Variants in UCN observed in about 807,000 individuals in gnomAD.
UCN encodes the protein urocortin, also known as prepro-urocortin.
In UCN, 5 loss-of-function variants were observed where a neutral mutation model predicts 6.5. The ratio of observed to expected loss-of-function variants is 0.77; its 90% CI spans 0.40 to 1.62. The LOEUF is 1.62. Among genes scored for constraint, UCN ranks in the 40% most tolerant of loss-of-function variants. The probability of loss-of-function intolerance (pLI) is 0.02; values close to 1 mark genes in which losing one functional copy is unlikely to be tolerated. For missense variants in UCN, 195 were observed against 188.8 expected, an observed-to-expected ratio of 1.03 and a Z score of -0.19; for synonymous variants, 95 against 96.4, an observed-to-expected ratio of 0.99 and a Z score of 0.09.
rs1326782870 is a variant in UCN at position 27,307,942 on chromosome 2, G to A, written c.-13-34C>T. The A allele has an allele frequency of 2.2e-6, 3 of 1,345,706 alleles. No homozygotes were observed. Among genetic ancestry groups the A allele is most frequent in the Non-Finnish European group, 2.8e-6 (3 of 1,053,916 alleles). The allele number at this position is 1,345,706 out of a possible 1,614,324, so 83.4% of individuals were successfully genotyped here. ...ACAGGGGCAGCGCAGGGTGAGGTGC[G>A]CCTGGGACAGCTGCAGGCCGCCGCT... On this transcript the variant is annotated intron_variant, in intron 1 of 1. Transcript: ENST00000296099. This position sits in a 1 kb window ranked among gnomAD's most constrained non-coding sequence, Gnocchi z 6.9.
At position 27,307,937 on chromosome 2, in the gene UCN, G is replaced by C; in HGVS notation, c.-13-29C>G. On this transcript the variant is annotated intron_variant, in intron 1 of 1. Coordinates refer to ENST00000296099, the MANE Select transcript of UCN (RefSeq NM_003353.4). This position sits in a 1 kb window ranked among gnomAD's most constrained non-coding sequence, Gnocchi z 6.9. ...GACACACAGGGGCAGCGCAGGGTGA[G>C]GTGCGCCTGGGACAGCTGCAGGCCG... The C allele has an allele frequency of 7.3e-7, 1 of 1,364,572 alleles. No homozygotes were observed. The highest frequency in any genetic ancestry group is 1.7e-5 in the South Asian group (1 of 58,966). 84.5% of individuals were successfully genotyped at this position (1,364,572 alleles called of 1,614,324 possible). A position where few individuals can be genotyped will look rare whatever the true frequency, so the allele number is the denominator to read the frequency against.
At position 27,308,317 on chromosome 2, in the gene UCN, T is replaced by A. The variant is rs114069908; in HGVS notation, c.-171A>T. 3,398 of 160,570 alleles carry A rather than the reference T, an allele frequency of 0.021. 127 individuals carry two copies. The highest frequency in any genetic ancestry group is 0.076 in the African/African-American group (3,181 of 41,938). 9.9% of individuals were successfully genotyped at this position (160,570 alleles called of 1,614,324 possible). A position where few individuals can be genotyped will look rare whatever the true frequency, so the allele number is the denominator to read the frequency against. ...CTCCGACTGACGTCAGCGAAGAACA[T>A]GCACTGATTGTAGAAGCAATGACAG... On this transcript the variant is annotated 5_prime_UTR_variant, in exon 1 of 2. The change abolishes an upstream ATG in the 5' untranslated region. Coordinates refer to ENST00000296099, the MANE Select transcript of UCN (RefSeq NM_003353.4). This position sits in a 1 kb window ranked among gnomAD's most constrained non-coding sequence, Gnocchi z 4.2.
In UCN at chr2:27,307,625, G is replaced by T; in HGVS notation, c.271C>A (p.Leu91Ile). 6.2e-7 allele frequency: 1 copy of T among 1,612,394 alleles called. No individual in the cohort carries two copies. The highest frequency in any genetic ancestry group is 8.5e-7 in the Non-Finnish European group (1 of 1,179,852). Residue 91 changes from leucine (L) to isoleucine (I), a missense_variant, in exon 2 of 2, where the codon CTC becomes ATC. By Grantham distance (5) the Leu-to-Ile change is conservative. Transcript: ENST00000296099. The surrounding 1 kb of genome is among the most constrained non-coding windows in gnomAD (Gnocchi z 6.9). ...AGGGTCCGCAGCAGGTGAAAGGTGA[G>T]GTCAATGGACAGAGAAGGGTTGTCC... The part of the protein sequence containing the change: ...RRDNPSLSID[L>I]TFHLLRTLLE...
rs898390177 is a variant in UCN, at chr2:27,308,072, C to T, written c.-14+88G>A. On this transcript the variant is annotated intron_variant, in intron 1 of 1. Coordinates refer to ENST00000296099, the MANE Select transcript of UCN (RefSeq NM_003353.4). The surrounding 1 kb of genome is among the most constrained non-coding windows in gnomAD (Gnocchi z 4.2). ...CCAGTGCTGTTCCATCCCTTCCACC[C>T]AGCCTCCCTCCCCGGAGGAGCGTGG... 5.0e-6 allele frequency: 3 copies of T among 600,952 alleles called. No homozygotes were observed. Among genetic ancestry groups the T allele is most frequent in the Admixed American group, 4.5e-5 (1 of 22,196 alleles). 37.2% of individuals were successfully genotyped at this position (600,952 alleles called of 1,614,324 possible). A position where few individuals can be genotyped will look rare whatever the true frequency, so the allele number is the denominator to read the frequency against.
rs778308874 is a variant in UCN, at chr2:27,307,668, T to G, written c.228A>C (p.Ala76=). 6.2e-7 allele frequency: 1 copy of G among 1,602,928 alleles called. No homozygotes were observed. Residue 76 remains alanine (A), a synonymous_variant, in exon 2 of 2, where the codon GCA becomes GCC. Transcript: ENST00000296099. This position sits in a 1 kb window ranked among gnomAD's most constrained non-coding sequence, Gnocchi z 6.9. The part of the protein sequence containing the change: ...AGPGRLGLGT[A]GERPRRDNPS... ...GGTTGTCCCGCCGCGGCCGCTCGCC[T>G]GCCGTCCCGAGTCCCAATCGGCCGG...
Position 27,307,631 on chromosome 2 carries a change from T to A in UCN, c.265A>T (p.Ile89Phe), listed in dbSNP as rs1386743477. The change falls in exon 2 of 2, where the codon ATT becomes TTT. Residue 89 changes from isoleucine (I) to phenylalanine (F), a missense_variant. Transcript: ENST00000296099. The surrounding 1 kb of genome is among the most constrained non-coding windows in gnomAD (Gnocchi z 6.9). ...RPRRDNPSLSIDLTFHLLRTL... is the reference protein window; with the variant it reads ...RPRRDNPSLSFDLTFHLLRTL... ...CGCAGCAGGTGAAAGGTGAGGTCAA[T>A]GGACAGAGAAGGGTTGTCCCGCCGC... The A allele has an allele frequency of 6.2e-7, 1 of 1,611,918 alleles. No homozygotes were observed. Among genetic ancestry groups the A allele is most frequent in the Non-Finnish European group, 8.5e-7 (1 of 1,179,670 alleles).
Position 27,308,110 on chromosome 2 carries a change from G to T in UCN, c.-14+50C>A. 1 of 457,976 alleles carries T rather than the reference G, an allele frequency of 2.2e-6. No individual in the cohort carries two copies. The highest frequency in any genetic ancestry group is 5.4e-5 in the South Asian group (1 of 18,632). 28.4% of individuals were successfully genotyped at this position (457,976 alleles called of 1,614,324 possible). A position where few individuals can be genotyped will look rare whatever the true frequency, so the allele number is the denominator to read the frequency against. On this transcript the variant is annotated intron_variant, in intron 1 of 1. Coordinates refer to ENST00000296099, the MANE Select transcript of UCN (RefSeq NM_003353.4). This position sits in a 1 kb window ranked among gnomAD's most constrained non-coding sequence, Gnocchi z 4.2. Reference sequence around the variant, plus strand: ...CGGAGGAGCGTGGTGGCTGAGCTGAGCGGAGTCCTGGTGCAGGGGGAGGCT... The same window carrying T: ...CGGAGGAGCGTGGTGGCTGAGCTGATCGGAGTCCTGGTGCAGGGGGAGGCT...
In UCN at chr2:27,307,818, C is replaced by T. The variant is rs1679281187; in HGVS notation, c.78G>A (p.Arg26=). The change falls in exon 2 of 2, where the codon AGG becomes AGA. Residue 26 remains arginine (R), a synonymous_variant. Coordinates refer to ENST00000296099, the MANE Select transcript of UCN (RefSeq NM_003353.4). The surrounding 1 kb of genome is among the most constrained non-coding windows in gnomAD (Gnocchi z 6.9). ...CCTGGACCCCGGCCGCCTCGGGGCT[C>T]CTCTGGCTGCTCCCAGGGCACAGCT... ...LVQLCPGSSQ[R]SPEAAGVQDP... is the part of the protein sequence containing the mutation. 1 of 1,505,674 alleles carries T rather than the reference C, an allele frequency of 6.6e-7. No individual in the cohort carries two copies. The allele number at this position is 1,505,674 out of a possible 1,614,324, so 93.3% of individuals were successfully genotyped here. A position where few individuals can be genotyped will look rare whatever the true frequency, so the allele number is the denominator to read the frequency against.
Position 27,307,870 on chromosome 2 carries a change from A to G in UCN, c.26T>C (p.Leu9Pro), listed in dbSNP as rs1679283493. MRQAGRAA[L>P]LAALLLLVQL... ...TACCAGGAGCAGCAGCGCGGCCAGC[A>G]GCGCTGCGCGTCCCGCCTGCCTCAT... Residue 9 changes from leucine to proline, a missense_variant, in exon 2 of 2, where the codon CTG (leucine) becomes CCG (proline). Transcript: ENST00000296099. This position sits in a 1 kb window ranked among gnomAD's most constrained non-coding sequence, Gnocchi z 6.9. The G allele has an allele frequency of 8.1e-6, 12 of 1,485,296 alleles. No individual in the cohort carries two copies. The highest frequency in any genetic ancestry group is 1.1e-5 in the Non-Finnish European group (12 of 1,126,028). The allele number at this position is 1,485,296 out of a possible 1,614,324, so 92.0% of individuals were successfully genotyped here.
Position 27,307,782 on chromosome 2 carries a change from C to T in UCN, c.114G>A (p.Leu38=). ...GGTTCCGTGCCCCGGGGCTCCAGCG[C>T]AGACTCGGGTCCTGGACCCCGGCCG... ...PEAAGVQDPS[L]RWSPGARNQG... is the part of the protein sequence containing the mutation. Residue 38 remains leucine, a synonymous_variant, in exon 2 of 2, where the codon CTG becomes CTA. Coordinates refer to ENST00000296099, the MANE Select transcript of UCN (RefSeq NM_003353.4). This position sits in a 1 kb window ranked among gnomAD's most constrained non-coding sequence, Gnocchi z 6.9. 2 of 1,512,184 alleles carry T rather than the reference C, an allele frequency of 1.3e-6. No individual in the cohort carries two copies. The highest frequency in any genetic ancestry group is 1.8e-6 in the Non-Finnish European group (2 of 1,134,020). 93.7% of individuals were successfully genotyped at this position (1,512,184 alleles called of 1,614,324 possible).
rs752487582 is a variant in UCN at position 27,307,506 on chromosome 2, C to T, written c.*15G>A. 6.2e-7 allele frequency: 1 copy of T among 1,612,680 alleles called. No individual in the cohort carries two copies. Among genetic ancestry groups the T allele is most frequent in the Non-Finnish European group, 8.5e-7 (1 of 1,179,884 alleles). Reference sequence around the variant, plus strand: ...GGGAAAGGGGTCAACGTTTTCGCAGCCCCAAACCGGGCCATCACTTGCCCA... The same window carrying T: ...GGGAAAGGGGTCAACGTTTTCGCAGTCCCAAACCGGGCCATCACTTGCCCA... On this transcript the variant is annotated 3_prime_UTR_variant, in exon 2 of 2. Coordinates refer to ENST00000296099, the MANE Select transcript of UCN (RefSeq NM_003353.4). This position sits in a 1 kb window ranked among gnomAD's most constrained non-coding sequence, Gnocchi z 6.9.
chr2:27,307,783 A>G lies in UCN; in HGVS notation c.113T>C (p.Leu38Pro). The change falls in exon 2 of 2, where the codon CTG (leucine) becomes CCG (proline). Residue 38 changes from leucine (L) to proline (P), a missense_variant. Coordinates refer to ENST00000296099, the MANE Select transcript of UCN (RefSeq NM_003353.4). This position sits in a 1 kb window ranked among gnomAD's most constrained non-coding sequence, Gnocchi z 6.9. ...GTTCCGTGCCCCGGGGCTCCAGCGC[A>G]GACTCGGGTCCTGGACCCCGGCCGC... ...PEAAGVQDPSLRWSPGARNQG... is the reference protein window; with the variant it reads ...PEAAGVQDPSPRWSPGARNQG... 1 of 1,511,698 alleles carries G rather than the reference A, an allele frequency of 6.6e-7. No homozygotes were observed. The highest frequency in any genetic ancestry group is 8.8e-7 in the Non-Finnish European group (1 of 1,133,804). 93.6% of individuals were successfully genotyped at this position (1,511,698 alleles called of 1,614,324 possible). A position where few individuals can be genotyped will look rare whatever the true frequency, so the allele number is the denominator to read the frequency against.
rs113819285 is a variant in UCN at position 27,307,482 on chromosome 2, G to A, written c.*39C>T. 13 of 1,610,836 alleles carry A rather than the reference G, an allele frequency of 8.1e-6. No homozygotes were observed. The highest frequency in any genetic ancestry group is 1.7e-5 in the Admixed American group (1 of 59,968). ...CCCCGCATCCCAACTCTGGGGTGGGGGAAAGGGGTCAACGTTTTCGCAGCC... is the reference window on the plus strand; with the variant it reads ...CCCCGCATCCCAACTCTGGGGTGGGAGAAAGGGGTCAACGTTTTCGCAGCC... On this transcript the variant is annotated 3_prime_UTR_variant, in exon 2 of 2. Transcript: ENST00000296099. The surrounding 1 kb of genome is among the most constrained non-coding windows in gnomAD (Gnocchi z 6.9).
Position 27,308,289 on chromosome 2 carries a change from C to T in UCN, c.-143G>A, listed in dbSNP as rs939782587. The T allele has an allele frequency of 1.7e-5, 3 of 177,302 alleles. No individual in the cohort carries two copies. The highest frequency in any genetic ancestry group is 3.5e-5 in the Non-Finnish European group (3 of 85,310). The allele number at this position is 177,302 out of a possible 1,614,324, so 11.0% of individuals were successfully genotyped here. On this transcript the variant is annotated 5_prime_UTR_variant, in exon 1 of 2. Transcript: ENST00000296099. This position sits in a 1 kb window ranked among gnomAD's most constrained non-coding sequence, Gnocchi z 4.2. ...TCGCCAGCCTTATATAGTGCCAGGA[C>T]AGCTCCGACTGACGTCAGCGAAGAA...
In UCN at chr2:27,307,482, G is replaced by C. The variant is rs113819285; in HGVS notation, c.*39C>G. On this transcript the variant is annotated 3_prime_UTR_variant, in exon 2 of 2. Transcript: ENST00000296099. The surrounding 1 kb of genome is among the most constrained non-coding windows in gnomAD (Gnocchi z 6.9). ...CCCCGCATCCCAACTCTGGGGTGGG[G>C]GAAAGGGGTCAACGTTTTCGCAGCC... 6 of 1,610,836 alleles carry C rather than the reference G, an allele frequency of 3.7e-6. No homozygotes were observed. Among genetic ancestry groups the C allele is most frequent in the African/African-American group, 1.3e-5 (1 of 74,798 alleles).
Position 27,307,527 on chromosome 2 carries a change from G to GC in UCN, c.368dup (p.Lys124GlnfsTer33). The GC allele has an allele frequency of 6.2e-7, 1 of 1,612,960 alleles. No homozygotes were observed. The highest frequency in any genetic ancestry group is 8.5e-7 in the Non-Finnish European group (1 of 1,179,918). ...GCAGCCCCAAACCGGGCCATCACTTGCCCACCGAGTCGAATATGATGCGGT... is the reference window on the plus strand; with the variant it reads ...GCAGCCCCAAACCGGGCCATCACTTGCCCCACCGAGTCGAATATGATGCGGT... On this transcript the variant is annotated frameshift_variant, in exon 2 of 2. Transcript: ENST00000296099. LOFTEE classifies it high-confidence loss of function. This position sits in a 1 kb window ranked among gnomAD's most constrained non-coding sequence, Gnocchi z 6.9.
At position 27,308,103 on chromosome 2, in the gene UCN, G is replaced by C. The variant is rs985067466; in HGVS notation, c.-14+57C>G. ...CCCTCCCCGGAGGAGCGTGGTGGCT[G>C]AGCTGAGCGGAGTCCTGGTGCAGGG... is the stretch of plus-strand genomic sequence containing the variant. On this transcript the variant is annotated intron_variant, in intron 1 of 1. Coordinates refer to ENST00000296099, the MANE Select transcript of UCN (RefSeq NM_003353.4). The surrounding 1 kb of genome is among the most constrained non-coding windows in gnomAD (Gnocchi z 4.2). 1 of 468,060 alleles carries C rather than the reference G, an allele frequency of 2.1e-6. No homozygotes were observed. The allele number at this position is 468,060 out of a possible 1,614,324, so 29.0% of individuals were successfully genotyped here. A position where few individuals can be genotyped will look rare whatever the true frequency, so the allele number is the denominator to read the frequency against.
In UCN at chr2:27,307,643, GGTT is replaced by G; in HGVS notation, c.250_252del (p.Asn84del). The G allele has an allele frequency of 2.5e-6, 4 of 1,609,894 alleles. No homozygotes were observed. Among genetic ancestry groups the G allele is most frequent in the Non-Finnish European group, 3.4e-6 (4 of 1,178,810 alleles). Reference sequence around the variant, plus strand: ...AAGGTGAGGTCAATGGACAGAGAAGGGTTGTCCCGCCGCGGCCGCTCGCCTGCC... The same window carrying G: ...AAGGTGAGGTCAATGGACAGAGAAGGGTCCCGCCGCGGCCGCTCGCCTGCC... On this transcript the variant is annotated inframe_deletion, in exon 2 of 2. Coordinates refer to ENST00000296099, the MANE Select transcript of UCN (RefSeq NM_003353.4). This position sits in a 1 kb window ranked among gnomAD's most constrained non-coding sequence, Gnocchi z 6.9.
rs1401572542 is a variant in UCN at position 27,307,830 on chromosome 2, C to T, written c.66G>A (p.Gly22=). 1.3e-6 allele frequency: 2 copies of T among 1,503,608 alleles called. No homozygotes were observed. The highest frequency in any genetic ancestry group is 2.2e-5 in the Admixed American group (1 of 46,082). 93.1% of individuals were successfully genotyped at this position (1,503,608 alleles called of 1,614,324 possible). Residue 22 remains glycine (G), a synonymous_variant, in exon 2 of 2, where the codon GGG becomes GGA. Transcript: ENST00000296099. This position sits in a 1 kb window ranked among gnomAD's most constrained non-coding sequence, Gnocchi z 6.9. ...CCGCCTCGGGGCTCCTCTGGCTGCTCCCAGGGCACAGCTGTACCAGGAGCA... is the reference window on the plus strand; with the variant it reads ...CCGCCTCGGGGCTCCTCTGGCTGCTTCCAGGGCACAGCTGTACCAGGAGCA... The part of the protein sequence containing the change: ...ALLLLVQLCP[G]SSQRSPEAAG...
Sources: allele counts gnomAD v4.1 joint callset, GRCh38; gene constraint gnomAD v4.1.1; non-coding constraint Gnocchi (gnomAD v3.1); transcripts MANE v1.5; gene names NCBI Gene and HGNC (gene_info 2026-07-23, HGNC 2026-07-21).